Variants in CTNNA3 observed in about 807,000 individuals in gnomAD.
CTNNA3 encodes the protein catenin alpha 3.
A neutral mutation model predicts 95.7 loss-of-function variants in CTNNA3; 76 were observed. The observed-to-expected ratio is 0.79, with a 90% CI of 0.66 to 0.96. The LOEUF (loss-of-function observed/expected upper bound fraction) is 0.96. CTNNA3 is among the 40% of genes least tolerant of loss of function. The pLI is 0.00. For missense variants in CTNNA3, 1,191 were observed against 1,089.8 expected, an observed-to-expected ratio of 1.09 and a Z score of -1.31; for synonymous variants, 431 against 374.4, an observed-to-expected ratio of 1.15 and a Z score of -1.74.
intron 13 of CTNNA3, among the ~76,000 whole-genome samples, chr10:66,248,141 T>C (rs1489767502): frequency 2.6e-5 from 4 of 152,130 alleles, no homozygotes; most frequent in Non-Finnish European, 5.9e-5. Flanking sequence ...TTTTTCTCAT[T>C]TGTTTGTTTA....
intron 5 of CTNNA3, among the ~76,000 whole-genome samples, chr10:67,411,723 T>A (rs148812883): frequency 1.9e-4 from 29 of 152,270 alleles, no homozygotes; most frequent in African/African-American, 6.7e-4. Context: ...TTTCCTTTTT[T>A]GTGGGAGTGT....
intron 5 of CTNNA3, among the ~76,000 whole-genome samples, chr10:67,432,716 A>G (rs947365258): frequency 1.3e-5 from 2 of 152,094 alleles, no homozygotes; most frequent in East Asian, 1.9e-4. Context: ...CACATCATTT[A>G]CCATATAAAG....
At chr10:67,721,763 T>C (rs547639261) in intron 1 of CTNNA3, among the ~76,000 whole-genome samples, 110 of 152,338 alleles carry the variant, frequency 7.2e-4, no homozygotes, top group African/African-American at 2.4e-3. Context: ...ATTTTCAGCC[T>C]TTTTGTGCTG....
intron 9 of CTNNA3, among the ~76,000 whole-genome samples, chr10:66,664,125 G>T (rs1316399712): frequency 6.6e-6 from 1 of 151,748 alleles, no homozygotes; most frequent in African/African-American, 2.4e-5. Context: ...ATATACAAAA[G>T]GTTAATCTTT....
chr10:66,730,479 CAAG>C (rs1457724261), intron 9 of CTNNA3, among the ~76,000 whole-genome samples: 2 of 152,088 alleles, frequency 1.3e-5, no homozygotes, highest in Non-Finnish European at 2.9e-5. Context: ...GGGAGTGCAT[CAAG>C]AAGAACAGTT....
Position 65,939,156 on chromosome 10 carries a change from C to T in CTNNA3, c.2401-18539G>A, listed in dbSNP as rs182251111. On this transcript the variant is annotated intron_variant, in intron 17 of 17. Coordinates refer to ENST00000433211, the MANE Select transcript of CTNNA3 (RefSeq NM_013266.4). ...TCCTGACCTCGTGATCCGCTCGCCTCGGCCTCTCAAAGTGCTGGGATTACA... is the reference window on the plus strand; with the variant it reads ...TCCTGACCTCGTGATCCGCTCGCCTTGGCCTCTCAAAGTGCTGGGATTACA... Among the ~76,000 whole-genome samples, 552 of 152,242 alleles carry T rather than the reference C, an allele frequency of 3.6e-3. 5 individuals are homozygous for T. The highest frequency in any genetic ancestry group is 0.012 in the African/African-American group (489 of 41,560).
chr10:66,347,681 A>C (rs2092534828), intron 12 of CTNNA3, among the ~76,000 whole-genome samples: 1 of 152,060 alleles, frequency 6.6e-6, no homozygotes. Context: ...TGTTTAAAAA[A>C]AGTTAACAAA....
At chr10:66,491,614 G>GC (rs1210543087) in intron 11 of CTNNA3, among the ~76,000 whole-genome samples, 1 of 151,948 alleles carries the variant, frequency 6.6e-6, no homozygotes, top group Non-Finnish European at 1.5e-5. Context: ...GAATCCTTTT[G>GC]CCTGCTCTTT....
At chr10:66,409,335 T>C (rs1427240488) in intron 11 of CTNNA3, among the ~76,000 whole-genome samples, 1 of 152,100 alleles carries the variant, frequency 6.6e-6, no homozygotes, top group Non-Finnish European at 1.5e-5. Context: ...ACATGCCTTC[T>C]GAATTTTCAC....
At chr10:67,328,545 C>T (rs1201931985) in intron 5 of CTNNA3, among the ~76,000 whole-genome samples, 8 of 152,236 alleles carry the variant, frequency 5.3e-5, no homozygotes, top group Admixed American at 5.2e-4. Context: ...GTCAAGGGGT[C>T]TCCCCCTGCC....
chr10:66,376,501 A>C (rs747047574), intron 12 of CTNNA3, among the ~76,000 whole-genome samples: 7 of 152,200 alleles, frequency 4.6e-5, no homozygotes, highest in Non-Finnish European at 7.3e-5. Context: ...TTAGAAGATC[A>C]TCAAATTTTG....
At chr10:67,420,007 A>T (rs1845692142) in intron 5 of CTNNA3, among the ~76,000 whole-genome samples, 1 of 152,176 alleles carries the variant, frequency 6.6e-6, no homozygotes, top group Non-Finnish European at 1.5e-5. Context: ...GCCCACCACC[A>T]TGCCCAGCTA....
intron 15 of CTNNA3, among the ~76,000 whole-genome samples, chr10:66,052,230 T>C (rs1023434800): frequency 1.3e-5 from 2 of 152,182 alleles, no homozygotes; most frequent in Non-Finnish European, 2.9e-5. Flanking sequence ...AATATTTGTA[T>C]AGTTGCACCC....
At chr10:65,985,814 T>C (rs886739083) in intron 16 of CTNNA3, among the ~76,000 whole-genome samples, 5 of 151,424 alleles carry the variant, frequency 3.3e-5, no homozygotes, top group African/African-American at 7.2e-5. Context: ...AGTATCCAAA[T>C]TGGAAAGGAG....
chr10:67,759,069 T>C (rs112899808), intron 1 of CTNNA3, among the ~76,000 whole-genome samples: 37 of 152,312 alleles, frequency 2.4e-4, no homozygotes, highest in Middle Eastern at 3.4e-3. Context: ...AACATTTATG[T>C]ATAAGTACCA....
intron 3 of CTNNA3, among the ~76,000 whole-genome samples, chr10:67,568,634 A>G (rs1032327989): frequency 6.6e-6 from 1 of 152,046 alleles, no homozygotes; most frequent in East Asian, 1.9e-4. Context: ...ACTGGTGTCC[A>G]TTTTGGGTTA....
At chr10:66,858,446 A>G (rs960559371) in intron 7 of CTNNA3, among the ~76,000 whole-genome samples, 22 of 151,876 alleles carry the variant, frequency 1.4e-4, no homozygotes, top group Non-Finnish European at 4.4e-5. Context: ...TCCTCTCCTC[A>G]ATATTTTGGA....
chr10:66,294,734 T>C (rs2132206787), intron 12 of CTNNA3, among the ~76,000 whole-genome samples: 1 of 152,234 alleles, frequency 6.6e-6, no homozygotes, highest in East Asian at 1.9e-4. Flanking sequence ...GACTAAGGTA[T>C]TGACTAATCC....
chr10:67,724,988 C>G (rs1485407104), intron 1 of CTNNA3, among the ~76,000 whole-genome samples: 1 of 151,904 alleles, frequency 6.6e-6, no homozygotes, highest in Non-Finnish European at 1.5e-5. Flanking sequence ...TTTTATTACA[C>G]AAAAATATTC....
Sources: gnomAD v4.1 joint callset for allele counts (sites outside exome capture counted in the v4.1 genomes callset) on GRCh38, gnomAD v4.1.1 for gene constraint, MANE v1.5 for transcripts, NCBI Gene and HGNC (gene_info 2026-07-23, HGNC 2026-07-21) for gene names.